Variants in GRXCR2 observed in about 807,000 individuals in gnomAD.
GRXCR2 encodes glutaredoxin domain-containing cysteine-rich protein 2.
In GRXCR2, 23 loss-of-function variants were observed where a neutral mutation model predicts 24.8. The ratio of observed to expected loss-of-function variants is 0.93; its 90% confidence interval spans 0.67 to 1.32. The LOEUF is 1.32. Ranked by LOEUF, GRXCR2 falls within the 40% of genes most tolerant of loss-of-function variation. The probability of loss-of-function intolerance (pLI) is 0.00; values close to 1 mark genes in which losing one functional copy is unlikely to be tolerated. For synonymous variants in GRXCR2, 130 were observed against 116.1 expected (o/e 1.12, Z -0.77); for missense variants, 315 against 303.4 (o/e 1.04, Z -0.28).
At chr5:145,863,829 G>T (rs928529398) in intron 2 of GRXCR2, among the ~76,000 whole-genome samples, 1 of 152,092 alleles carries the variant, frequency 6.6e-6, no homozygotes, top group Non-Finnish European at 1.5e-5. Flanking sequence ...ATGAGAGAAG[G>T]TAATGGCCAA....
At position 145,859,584 on chromosome 5, in the gene GRXCR2, C is replaced by T; in HGVS notation, c.*149G>A. On this transcript the variant is annotated 3_prime_UTR_variant, in exon 3 of 3. Transcript: ENST00000377976. ...AGATGTTACCGGCCTCACAAAATGTCATCAGATAATTGAGTTTTGCCAGCA... is the reference window on the plus strand; with the variant it reads ...AGATGTTACCGGCCTCACAAAATGTTATCAGATAATTGAGTTTTGCCAGCA... 1.5e-6 allele frequency: 1 copy of T among 665,866 alleles called. No homozygotes were observed. The highest frequency in any genetic ancestry group is 2.7e-5 in the Admixed American group (1 of 37,460). The allele number at this position is 665,866 out of a possible 1,614,324, so 41.2% of individuals were successfully genotyped here.
chr5:145,867,086 A>G (rs1346282241), intron 1 of GRXCR2, among the ~76,000 whole-genome samples: 4 of 152,174 alleles, frequency 2.6e-5, no homozygotes, highest in African/African-American at 9.6e-5. Flanking sequence ...TTTTCATTTT[A>G]TATAAATATC....
intron 2 of GRXCR2, among the ~76,000 whole-genome samples, chr5:145,862,672 G>T (rs2149908289): frequency 6.6e-6 from 1 of 152,256 alleles, no homozygotes; most frequent in Admixed American, 6.5e-5. Context: ...AGACTCCAAG[G>T]CTTGTAGAGC....
chr5:145,897,771 T>A (rs191353500), intron 2 of GRXCR2, among the ~76,000 whole-genome samples: 1 of 152,030 alleles, frequency 6.6e-6, no homozygotes, highest in South Asian at 2.1e-4. Context: ...TTGAAATAAC[T>A]GAAAACAGAG....
intron 2 of GRXCR2, among the ~76,000 whole-genome samples, chr5:145,912,665 G>A (rs997249969): frequency 2.0e-5 from 3 of 152,146 alleles, no homozygotes; most frequent in African/African-American, 4.8e-5. Context: ...CAGTGGAGAC[G>A]CCACAGAAGA....
At chr5:145,931,016 A>G (rs893367292) in intron 2 of GRXCR2, among the ~76,000 whole-genome samples, 5 of 151,934 alleles carry the variant, frequency 3.3e-5, no homozygotes, top group Non-Finnish European at 5.9e-5. Flanking sequence ...CTCCAAAACC[A>G]TAGGGCTTTT....
upstream of GRXCR2, among the ~76,000 whole-genome samples, chr5:145,874,860 C>T (rs758892254): frequency 2.0e-5 from 3 of 152,200 alleles, no homozygotes; most frequent in Non-Finnish European, 4.4e-5. Context: ...CACCAACAAG[C>T]TTACCCATTT....
chr5:145,895,669 G>A (rs1413713750), intron 2 of GRXCR2, among the ~76,000 whole-genome samples: 3 of 152,158 alleles, frequency 2.0e-5, no homozygotes, highest in Non-Finnish European at 2.9e-5. Context: ...CTGCTCATGG[G>A]TAGGAAGAAT....
At chr5:145,876,105 T>C (rs1442370224), upstream of GRXCR2, among the ~76,000 whole-genome samples, 1 of 150,610 alleles carries the variant, frequency 6.6e-6, no homozygotes, top group Non-Finnish European at 1.5e-5. Context: ...AGTTTGAGGC[T>C]AAAGCCAGCT....
At chr5:145,892,012 C>G (rs1335489878) in intron 2 of GRXCR2, among the ~76,000 whole-genome samples, 1 of 152,180 alleles carries the variant, frequency 6.6e-6, no homozygotes, top group African/African-American at 2.4e-5. Flanking sequence ...TGCTGATACC[C>G]AGGCAAACAG....
intron 2 of GRXCR2, among the ~76,000 whole-genome samples, chr5:145,924,333 T>C (rs930418038): frequency 6.6e-6 from 1 of 152,238 alleles, no homozygotes; most frequent in Non-Finnish European, 1.5e-5. Context: ...CATTTGTTAC[T>C]GAAAACCAAA....
At chr5:145,906,776 T>G (rs1053309767) in intron 2 of GRXCR2, among the ~76,000 whole-genome samples, 2 of 152,212 alleles carry the variant, frequency 1.3e-5, no homozygotes, top group Admixed American at 6.5e-5. Flanking sequence ...CAAAAGTTCC[T>G]TCCCTCATGG....
chr5:145,862,107 A>G (rs1234184363), intron 2 of GRXCR2, among the ~76,000 whole-genome samples: 4 of 152,234 alleles, frequency 2.6e-5, no homozygotes. Flanking sequence ...TGCCAAATCC[A>G]TTAGGTTTTA....
At chr5:145,928,578 C>A (rs6860063) in intron 2 of GRXCR2, among the ~76,000 whole-genome samples, 98,184 of 151,966 alleles carry the variant, frequency 0.65, 33,038 homozygotes, top group African/African-American at 0.83. Context: ...CAGCCATAAA[C>A]AATGATGAGT....
intron 2 of GRXCR2, among the ~76,000 whole-genome samples, chr5:145,926,095 T>C (rs937367974): frequency 6.6e-6 from 1 of 152,114 alleles, no homozygotes; most frequent in Non-Finnish European, 1.5e-5. Context: ...CATTTACTGA[T>C]TTCATCAGAA....
rs1012902091 is a variant in GRXCR2 at position 145,858,773 on chromosome 5, C to A, written c.*960G>T. 2.6e-5 allele frequency: 4 copies of A among 152,026 alleles called. No homozygotes were observed. Among genetic ancestry groups the A allele is most frequent in the African/African-American group, 7.3e-5 (3 of 41,374 alleles). 9.4% of individuals were successfully genotyped at this position (152,026 alleles called of 1,614,324 possible). On this transcript the variant is annotated 3_prime_UTR_variant, in exon 3 of 3. Transcript: ENST00000377976. Reference sequence around the variant, plus strand: ...ACAAAAGTATGTTCTAATTTTATAACCAACCTCAAGAGGAAAGAATCATCC... The same window carrying A: ...ACAAAAGTATGTTCTAATTTTATAAACAACCTCAAGAGGAAAGAATCATCC...
chr5:145,882,723 G>A (rs564071343), intron 2 of GRXCR2, among the ~76,000 whole-genome samples: 41 of 152,172 alleles, frequency 2.7e-4, no homozygotes, highest in Admixed American at 1.1e-3. Flanking sequence ...ACATGCACAC[G>A]TATGTTTATT....
At chr5:145,903,100 C>G (rs879345326) in intron 2 of GRXCR2, among the ~76,000 whole-genome samples, 4 of 152,168 alleles carry the variant, frequency 2.6e-5, no homozygotes, top group Non-Finnish European at 5.9e-5. Flanking sequence ...AAAGATTGTG[C>G]CTAGCCCCCT....
intron 2 of GRXCR2, among the ~76,000 whole-genome samples, chr5:145,928,531 A>C (rs1228219181): frequency 6.6e-6 from 1 of 152,202 alleles, no homozygotes; most frequent in East Asian, 1.9e-4. Flanking sequence ...AGACTGGATT[A>C]AGAAAATGTG....
Sources: allele counts gnomAD v4.1 joint callset (sites outside exome capture counted in the v4.1 genomes callset), GRCh38; gene constraint gnomAD v4.1.1; transcripts MANE v1.5; gene names NCBI Gene and HGNC (gene_info 2026-07-23, HGNC 2026-07-21).